Variants in PACSIN2 observed in about 807,000 individuals in gnomAD.
PACSIN2 encodes the protein protein kinase C and casein kinase substrate in neurons 2.
A neutral mutation model predicts 63.8 loss-of-function variants in PACSIN2; 25 were observed. The observed-to-expected ratio is 0.39, with a 90% CI of 0.29 to 0.55. The LOEUF is 0.55. PACSIN2 is among the 20% of genes least tolerant of loss of function. PACSIN2 has a pLI of 0.62. For synonymous variants in PACSIN2, 255 were observed against 256.2 expected, an observed-to-expected ratio of 1.00 and a Z score of 0.05; for missense variants, 518 against 646.9, an observed-to-expected ratio of 0.80 and a Z score of 2.16.
At chr22:42,991,998 A>G (rs1329793240) in intron 1 of PACSIN2, among the ~76,000 whole-genome samples, 1 of 152,224 alleles carries the variant, frequency 6.6e-6, no homozygotes, top group Non-Finnish European at 1.5e-5. Flanking sequence ...CACAAGCCGT[A>G]AAAGAACAAA....
chr22:42,901,117 C>T (rs1930655429), intron 2 of PACSIN2, among the ~76,000 whole-genome samples: 1 of 152,134 alleles, frequency 6.6e-6, no homozygotes, highest in Non-Finnish European at 1.5e-5. Context: ...TGATCTTCCC[C>T]TTTAATCTGT....
rs1920939541 is a variant in PACSIN2, at chr22:42,964,793, C to T, written c.-78+50228G>A. The stretch of plus-strand genomic sequence containing the variant: ...TTTTCCATTAGGAATTTGTAACTCC[C>T]CATCTCCAGAAAGGCAAACACCGAG... On this transcript the variant is annotated intron_variant, in intron 1 of 10. Transcript: ENST00000263246. 2.0e-5 allele frequency among the ~76,000 whole-genome samples: 3 copies of T among 151,062 alleles called. No individual in the cohort carries two copies. The South Asian group carries it at 6.3e-4, about 32-fold the overall frequency.
rs909487582 is a variant in PACSIN2 at position 43,002,361 on chromosome 22, G to C, written c.-78+12660C>G. ...GTGGCCATAAGCACTCACAACCTTG[G>C]GAACGTGGAACATTAGCTCCAAGGA... On this transcript the variant is annotated intron_variant, in intron 1 of 10. Transcript: ENST00000263246. The C allele has an allele frequency of 3.3e-5, 5 of 152,138 alleles. 1 individual carries two copies. Among genetic ancestry groups the C allele is most frequent in the African/African-American group, 1.2e-4 (5 of 41,428 alleles). The allele number at this position is 152,138 out of a possible 1,614,324, so 9.4% of individuals were successfully genotyped here.
chr22:42,876,175 T>C lies in PACSIN2; in HGVS notation c.1310A>G (p.Tyr437Cys). The stretch of plus-strand genomic sequence containing the variant: ...CAGCTCATCATGCTCCTGCCCCTCA[T>C]AGTCATACAGGGCCCGGACTCGCAC... ...TEVRVRALYD[Y>C]EGQEHDELSF... The change falls in exon 10 of 11, where the codon TAT becomes TGT. Residue 437 changes from tyrosine to cysteine, a missense_variant. This residue lies in a region of PACSIN2 where 507 missense variants were observed against 612.3 expected (regional missense o/e 0.83). Coordinates refer to ENST00000263246, the MANE Select transcript of PACSIN2 (RefSeq NM_001184970.3). The C allele has an allele frequency of 6.2e-7, 1 of 1,614,114 alleles. No homozygotes were observed. Among genetic ancestry groups the C allele is most frequent in the African/African-American group, 1.3e-5 (1 of 75,044 alleles).
chr22:42,966,241 G>A (rs1300535807), intron 1 of PACSIN2, among the ~76,000 whole-genome samples: 4 of 152,064 alleles, frequency 2.6e-5, no homozygotes, highest in Non-Finnish European at 5.9e-5. Context: ...GTGGTGGTGT[G>A]CACCTGTAGT....
intron 2 of PACSIN2, among the ~76,000 whole-genome samples, chr22:42,906,567 T>C (rs112962498): frequency 1.3e-5 from 2 of 152,118 alleles, no homozygotes; most frequent in Admixed American, 6.5e-5. Context: ...AAATGTCCAC[T>C]ATAGCTCAGG....
chr22:42,967,740 T>G (rs1920982390), intron 1 of PACSIN2, among the ~76,000 whole-genome samples: 1 of 151,752 alleles, frequency 6.6e-6, no homozygotes, highest in Non-Finnish European at 1.5e-5. Flanking sequence ...TACAAAAAAT[T>G]AGCCGGGCGT....
intron 8 of PACSIN2, 105 bp from the exon 9 acceptor site, chr22:42,877,115 G>T: frequency 8.1e-7 from 1 of 1,236,886 alleles, no homozygotes. Flanking sequence ...AGCTCCTCCT[G>T]TGACCGGAGG....
At chr22:42,978,590 G>A (rs1269492156) in intron 1 of PACSIN2, among the ~76,000 whole-genome samples, 1 of 152,178 alleles carries the variant, frequency 6.6e-6, no homozygotes, top group Admixed American at 6.5e-5. Context: ...GCAGAAAGCA[G>A]GAAGGTTTCC....
intron 1 of PACSIN2, among the ~76,000 whole-genome samples, chr22:42,949,836 T>C (rs551893810): frequency 6.6e-6 from 1 of 152,350 alleles, no homozygotes; most frequent in South Asian, 2.1e-4. Context: ...TTTATTCTAA[T>C]AAACTGAGTA....
At chr22:42,968,143 G>A (rs1225049303) in intron 1 of PACSIN2, among the ~76,000 whole-genome samples, 1 of 152,128 alleles carries the variant, frequency 6.6e-6, no homozygotes, top group Non-Finnish European at 1.5e-5. Flanking sequence ...TCCCTCTGAC[G>A]GCCGAGTGTG....
chr22:42,933,782 T>C (rs1932832065), intron 1 of PACSIN2, among the ~76,000 whole-genome samples: 1 of 152,198 alleles, frequency 6.6e-6, no homozygotes, highest in Non-Finnish European at 1.5e-5. Flanking sequence ...TGGAGAAAAA[T>C]GCTATTGCAG....
chr22:42,947,478 C>T (rs1177415181), intron 1 of PACSIN2, among the ~76,000 whole-genome samples: 1 of 152,100 alleles, frequency 6.6e-6, no homozygotes, highest in Admixed American at 6.5e-5. Flanking sequence ...TGCTTGGAGG[C>T]AGCCGTTTCA....
At chr22:42,990,250 C>T (rs910835138) in intron 1 of PACSIN2, among the ~76,000 whole-genome samples, 10 of 152,142 alleles carry the variant, frequency 6.6e-5, no homozygotes, top group Non-Finnish European at 1.3e-4. Flanking sequence ...CGGCCACAAA[C>T]CAACTGGCTT....
Position 42,871,275 on chromosome 22 carries a change from G to A in PACSIN2, c.*82C>T, listed in dbSNP as rs1455853163. The A allele has an allele frequency of 3.8e-5, 32 of 831,870 alleles. No individual in the cohort carries two copies. The East Asian group carries it at 7.7e-4, about 20-fold the overall frequency. 51.5% of individuals were successfully genotyped at this position (831,870 alleles called of 1,614,324 possible). A position where few individuals can be genotyped will look rare whatever the true frequency, so the allele number is the denominator to read the frequency against. ...GCAATGGAACCATCATCTCTTGCAG[G>A]AAAAGGAGTGGATGCCCACGTGGCT... On this transcript the variant is annotated 3_prime_UTR_variant, in exon 11 of 11. Coordinates refer to ENST00000263246, the MANE Select transcript of PACSIN2 (RefSeq NM_001184970.3). The surrounding 1 kb of genome is among the most constrained non-coding windows in gnomAD (Gnocchi z 5.4).
At chr22:42,967,503 A>C (rs1430920938) in intron 1 of PACSIN2, among the ~76,000 whole-genome samples, 1 of 152,244 alleles carries the variant, frequency 6.6e-6, no homozygotes, top group African/African-American at 2.4e-5. Flanking sequence ...CTTAAACTAA[A>C]GATCTTTAAC....
At chr22:42,898,506 G>A (rs1195124686) in intron 2 of PACSIN2, among the ~76,000 whole-genome samples, 1 of 152,042 alleles carries the variant, frequency 6.6e-6, no homozygotes, top group African/African-American at 2.4e-5. Context: ...CCCGAACTCA[G>A]GTGATCTGCC....
At chr22:42,898,859 G>A (rs146623401) in intron 2 of PACSIN2, among the ~76,000 whole-genome samples, 4 of 152,296 alleles carry the variant, frequency 2.6e-5, no homozygotes, top group East Asian at 3.9e-4. Context: ...AACCATCCCT[G>A]TGCAGAAACA....
intron 2 of PACSIN2, chr22:42,909,380 T>C (rs1330541886): frequency 2.7e-6 from 1 of 367,790 alleles, no homozygotes; most frequent in African/African-American, 2.1e-5. Flanking sequence ...CACAAGGCTT[T>C]CTTTGGAAAA....
Sources: gnomAD v4.1 joint callset for allele counts (sites outside exome capture counted in the v4.1 genomes callset) on GRCh38, gnomAD v4.1.1 for gene constraint, gnomAD v4.1.1 regional missense constraint, Gnocchi (gnomAD v3.1) non-coding constraint, MANE v1.5 for transcripts, NCBI Gene and HGNC (gene_info 2026-07-23, HGNC 2026-07-21) for gene names.